The following OPN3 variants were observed in gnomAD, a reference collection of about 807,000 sequenced individuals.
The protein encoded by OPN3 is opsin-3.
A neutral mutation model predicts 33.8 loss-of-function variants in OPN3; 29 were observed. That is an observed-to-expected ratio of 0.86 (90% confidence interval 0.64 to 1.17). OPN3 has a LOEUF of 1.17. OPN3 is among the 50% of genes most tolerant of loss of function. The probability of loss-of-function intolerance (pLI) is 0.00; values close to 1 mark genes in which losing one functional copy is unlikely to be tolerated. For missense variants in OPN3, 437 were observed against 514.1 expected, an observed-to-expected ratio of 0.85 and a Z score of 1.45; for synonymous variants, 216 against 216.1, an observed-to-expected ratio of 1.00 and a Z score of 0.00.
chr1:241,622,336 T>G (rs1664288355), intron 1 of OPN3, among the ~76,000 whole-genome samples: 1 of 152,228 alleles, frequency 6.6e-6, no homozygotes, highest in African/African-American at 2.4e-5. Flanking sequence ...TTAGGTTAAA[T>G]TCTTGACAAT....
chr1:241,613,713 G>A (rs1053231453), intron 1 of OPN3, among the ~76,000 whole-genome samples: 4 of 152,142 alleles, frequency 2.6e-5, no homozygotes, highest in African/African-American at 9.7e-5. Context: ...AACCAAAGTG[G>A]TAGTTGGTTT....
intron 1 of OPN3, chr1:241,634,800 A>C (rs780236492): frequency 6.2e-7 from 1 of 1,613,814 alleles, no homozygotes; most frequent in Middle Eastern, 1.6e-4. Flanking sequence ...AAGTATTCTG[A>C]AAATGAACAC....
intron 1 of OPN3, chr1:241,634,681 G>C (rs1395604993): frequency 6.2e-7 from 1 of 1,613,990 alleles, no homozygotes; most frequent in East Asian, 2.2e-5. Flanking sequence ...ACTGAAGGAA[G>C]TTTTTAGTTG....
intron 1 of OPN3, chr1:241,633,965 A>G: frequency 6.2e-7 from 1 of 1,613,932 alleles, no homozygotes; most frequent in Non-Finnish European, 8.5e-7. Flanking sequence ...TTCAGTTGGA[A>G]AGATCTCCTG....
At chr1:241,629,900 G>A (rs1664555864) in intron 1 of OPN3, 1 of 151,954 alleles carries the variant, frequency 6.6e-6, no homozygotes, top group South Asian at 2.1e-4. Context: ...TTAAGGATTT[G>A]GAGAGCAAGG....
intron 1 of OPN3, 55 bp downstream of exon 1, chr1:241,639,827 G>A: frequency 7.1e-7 from 1 of 1,412,562 alleles, no homozygotes; most frequent in Non-Finnish European, 9.3e-7. Context: ...GCGGGCAGCG[G>A]GGTGGGGAGT....
rs1459297531 is a variant in OPN3 at position 241,598,001 on chromosome 1, C to T, written c.694-4G>A. 6.2e-7 allele frequency: 1 copy of T among 1,610,794 alleles called. No individual in the cohort carries two copies. Among genetic ancestry groups the T allele is most frequent in the Non-Finnish European group, 8.5e-7 (1 of 1,178,928 alleles). ...GAAGATCTTCCACACAACGAAGCTG[C>T]AGAAAGGAGAAAGAAAGGAAAGGGC... On this transcript the variant is annotated splice_region_variant and splice_polypyrimidine_tract_variant and intron_variant, in intron 2 of 3. Coordinates refer to ENST00000366554, the MANE Select transcript of OPN3 (RefSeq NM_014322.3).
At chr1:241,615,796 G>A in intron 1 of OPN3, 1 of 453,862 alleles carries the variant, frequency 2.2e-6, no homozygotes, top group Non-Finnish European at 4.4e-6. Flanking sequence ...AGCAGCGGTG[G>A]CTCTATGACT....
intron 1 of OPN3, among the ~76,000 whole-genome samples, chr1:241,609,596 ACAC>A (rs578087809): frequency 6.6e-6 from 1 of 152,238 alleles, no homozygotes; most frequent in Non-Finnish European, 1.5e-5. Flanking sequence ...TTTATATCAC[ACAC>A]AACATTACAG....
At chr1:241,596,108 C>A (rs559287378) in intron 3 of OPN3, among the ~76,000 whole-genome samples, 1 of 152,176 alleles carries the variant, frequency 6.6e-6, no homozygotes, top group Non-Finnish European at 1.5e-5. Flanking sequence ...TACAAGATTT[C>A]CAGGTGTGGT....
rs1022323855 is a variant in OPN3, at chr1:241,633,732, T to A, written c.373+6150A>T. 1.9e-6 allele frequency: 3 copies of A among 1,570,458 alleles called. No individual in the cohort carries two copies. In the African/African-American group the frequency reaches 4.1e-5, roughly 22 times the overall value. On this transcript the variant is annotated intron_variant, in intron 1 of 3. Transcript: ENST00000366554. ...TAATTACTCATATGGGAAACTGTCC[T>A]TTAAATGAGAAAATTCTGATGCCAT...
intron 2 of OPN3, among the ~76,000 whole-genome samples, chr1:241,602,608 A>G (rs558682793): frequency 6.6e-6 from 1 of 152,154 alleles, no homozygotes; most frequent in South Asian, 2.1e-4. Context: ...TCTCTTATTT[A>G]TGCACTCGTG....
intron 1 of OPN3, chr1:241,633,650 G>T: frequency 1.3e-6 from 1 of 789,820 alleles, no homozygotes. Flanking sequence ...ATTCAATGCT[G>T]AATGTCTGAG....
At chr1:241,613,907 C>G (rs1664058554) in intron 1 of OPN3, 1 of 152,200 alleles carries the variant, frequency 6.6e-6, no homozygotes, top group South Asian at 2.1e-4. Context: ...GTGGCTCATG[C>G]CTGTAATCCC....
At chr1:241,625,181 G>A (rs1209231106) in intron 1 of OPN3, among the ~76,000 whole-genome samples, 2 of 152,148 alleles carry the variant, frequency 1.3e-5, no homozygotes, top group Admixed American at 6.5e-5. Flanking sequence ...TTGCAATTAA[G>A]TATTTTCTAT....
intron 1 of OPN3, chr1:241,635,042 C>T (rs1482414816): frequency 9.3e-6 from 15 of 1,613,086 alleles, no homozygotes; most frequent in African/African-American, 2.7e-5. Context: ...AATTAGCAAT[C>T]CTTGAGAATA....
chr1:241,607,081 G>A (rs1663853114), intron 1 of OPN3, among the ~76,000 whole-genome samples: 1 of 152,108 alleles, frequency 6.6e-6, no homozygotes, highest in Non-Finnish European at 1.5e-5. Flanking sequence ...TGGAGGGTGG[G>A]GAGCAATATT....
intron 1 of OPN3, among the ~76,000 whole-genome samples, chr1:241,620,733 T>G (rs954196916): frequency 6.6e-6 from 1 of 152,232 alleles, no homozygotes; most frequent in Non-Finnish European, 1.5e-5. Context: ...ATTGAGATAT[T>G]TTATATTTTT....
At chr1:241,631,964 T>C (rs1664652479) in intron 1 of OPN3, 3 of 152,146 alleles carry the variant, frequency 2.0e-5, no homozygotes. Flanking sequence ...ACATACCAGA[T>C]TCTGAGCAAA....
Sources: gnomAD v4.1 joint callset for allele counts (sites outside exome capture counted in the v4.1 genomes callset) on GRCh38, gnomAD v4.1.1 for gene constraint, MANE v1.5 for transcripts, NCBI Gene and HGNC (gene_info 2026-07-23, HGNC 2026-07-21) for gene names.